PCMT1: variants seen among roughly 807,000 people sequenced by gnomAD.
PCMT1 encodes the protein protein-L-isoaspartate (D-aspartate) O-methyltransferase, also known as protein-L-isoaspartate(D-aspartate) O-methyltransferase.
A neutral mutation model predicts 29.2 loss-of-function variants in PCMT1; 9 were observed. The ratio of observed to expected loss-of-function variants is 0.31; its 90% CI spans 0.19 to 0.54. PCMT1 has a LOEUF of 0.54. Among genes scored for constraint, PCMT1 ranks in the 20% least tolerant of loss-of-function variants. PCMT1 has a pLI of 0.95. For synonymous variants in PCMT1, 98 were observed against 97.5 expected (o/e 1.00, Z -0.03); for missense variants, 184 against 282.2 (o/e 0.65, Z 2.49).
chr6:149,804,588 A>G (rs1013061703), intron 7 of PCMT1, among the ~76,000 whole-genome samples: 1 of 151,006 alleles, frequency 6.6e-6, no homozygotes, highest in Non-Finnish European at 1.5e-5. Context: ...ATCTCAGCTC[A>G]CTACAACCTC....
intron 1 of PCMT1, among the ~76,000 whole-genome samples, chr6:149,757,970 C>G (rs942206663): frequency 6.6e-6 from 1 of 152,054 alleles, no homozygotes; most frequent in Non-Finnish European, 1.5e-5. Context: ...GCAACCTCTG[C>G]CTCTCCGGTT....
At chr6:149,794,928 GC>G (rs2115322653) in intron 5 of PCMT1, 1 of 451,856 alleles carries the variant, frequency 2.2e-6, no homozygotes, top group South Asian at 1.6e-5. Context: ...GGATGTGGTG[GC>G]TCATGCCTGT....
intron 4 of PCMT1, among the ~76,000 whole-genome samples, chr6:149,793,177 A>G (rs1343060108): frequency 6.6e-6 from 1 of 151,290 alleles, no homozygotes; most frequent in Admixed American, 6.6e-5. Context: ...AAAAAAAAAA[A>G]GAAATTCCTC....
At chr6:149,810,392 C>T (rs536976009) in intron 7 of PCMT1, among the ~76,000 whole-genome samples, 2 of 152,296 alleles carry the variant, frequency 1.3e-5, no homozygotes, top group East Asian at 1.9e-4. Flanking sequence ...GAAGAACTCA[C>T]GCCCTTTAGG....
chr6:149,803,701 A>G (rs1775923500), intron 7 of PCMT1, among the ~76,000 whole-genome samples: 2 of 151,980 alleles, frequency 1.3e-5, no homozygotes, highest in African/African-American at 4.8e-5. Context: ...TTAATAAGTA[A>G]AAGGGGTGAT....
chr6:149,751,476 CTTTTTTTT>C (rs76128652), intron 1 of PCMT1, among the ~76,000 whole-genome samples: 1 of 116,556 alleles, frequency 8.6e-6, no homozygotes, highest in African/African-American at 3.8e-5. Flanking sequence ...ATGGTTGGTA[CTTTTTTTT>C]TTTTTTTTTT....
At chr6:149,774,098 T>C (rs1252145030) in intron 3 of PCMT1, among the ~76,000 whole-genome samples, 1 of 151,782 alleles carries the variant, frequency 6.6e-6, no homozygotes, top group Non-Finnish European at 1.5e-5. Flanking sequence ...CATGCAGTCC[T>C]CCCACCTCAG....
intron 1 of PCMT1, among the ~76,000 whole-genome samples, chr6:149,760,305 G>A (rs1786682720): frequency 6.6e-6 from 1 of 151,988 alleles, no homozygotes; most frequent in Admixed American, 6.6e-5. Flanking sequence ...TGTGCATGAG[G>A]GTACATTGTT....
At chr6:149,805,527 G>A (rs1256180072) in intron 7 of PCMT1, among the ~76,000 whole-genome samples, 4 of 152,140 alleles carry the variant, frequency 2.6e-5, no homozygotes, top group Non-Finnish European at 4.4e-5. Flanking sequence ...CTGGGAGGCC[G>A]AGCTTGCAGT....
At chr6:149,774,687 G>A (rs1024873687) in intron 3 of PCMT1, among the ~76,000 whole-genome samples, 13 of 148,440 alleles carry the variant, frequency 8.8e-5, no homozygotes, top group South Asian at 4.3e-4. Flanking sequence ...ACAGGCACCC[G>A]CCACCACACC....
chr6:149,774,762 A>C (rs181754885), intron 3 of PCMT1, among the ~76,000 whole-genome samples: 2,247 of 138,366 alleles, frequency 0.016, 60 homozygotes, highest in African/African-American at 0.059. Flanking sequence ...GCTGGAGTGC[A>C]GTGGCGCCAT....
At chr6:149,801,987 G>C (rs1369561341) in intron 6 of PCMT1, among the ~76,000 whole-genome samples, 1 of 152,040 alleles carries the variant, frequency 6.6e-6, no homozygotes, top group Non-Finnish European at 1.5e-5. Context: ...AAATTAGCTG[G>C]GCATGGTGGC....
chr6:149,788,127 C>T (rs1410436792), intron 3 of PCMT1, among the ~76,000 whole-genome samples: 1 of 151,892 alleles, frequency 6.6e-6, no homozygotes, highest in Non-Finnish European at 1.5e-5. Flanking sequence ...CTGTGTTAGC[C>T]AGGATGGTCT....
At chr6:149,753,151 G>A (rs1786389646) in intron 1 of PCMT1, among the ~76,000 whole-genome samples, 1 of 152,050 alleles carries the variant, frequency 6.6e-6, no homozygotes, top group African/African-American at 2.4e-5. Flanking sequence ...TTGCTCATGT[G>A]AAAATTGTAA....
chr6:149,759,803 T>TA (rs2115209464), intron 1 of PCMT1, among the ~76,000 whole-genome samples: 1 of 152,256 alleles, frequency 6.6e-6, no homozygotes, highest in South Asian at 2.1e-4. Context: ...CCTATTTTCT[T>TA]ACCTGTATTT....
At chr6:149,755,134 G>A (rs1032840262) in intron 1 of PCMT1, among the ~76,000 whole-genome samples, 5 of 152,118 alleles carry the variant, frequency 3.3e-5, no homozygotes, top group Admixed American at 1.3e-4. Context: ...GGCCGAGTGC[G>A]GTGGCTCACA....
chr6:149,750,628 T>C (rs531305858), intron 1 of PCMT1, among the ~76,000 whole-genome samples: 1 of 152,278 alleles, frequency 6.6e-6, no homozygotes, highest in East Asian at 1.9e-4. Context: ...TTCAGGAGCC[T>C]TTGCAGGTCC....
intron 2 of PCMT1, 103 bp from the exon 3 acceptor site, chr6:149,773,035 A>G (rs1583022863): frequency 2.2e-6 from 2 of 907,650 alleles, no homozygotes; most frequent in African/African-American, 1.7e-5. Flanking sequence ...AAAAAAAAAA[A>G]GAATTATTGT....
intron 3 of PCMT1, among the ~76,000 whole-genome samples, chr6:149,784,008 T>C (rs561680109): frequency 1.3e-5 from 2 of 152,342 alleles, no homozygotes; most frequent in South Asian, 4.1e-4. Context: ...ACTCCTTAAA[T>C]GAGTCAGTGT....
Sources: allele counts gnomAD v4.1 joint callset (sites outside exome capture counted in the v4.1 genomes callset), GRCh38; gene constraint gnomAD v4.1.1; transcripts MANE v1.5; gene names NCBI Gene and HGNC (gene_info 2026-07-23, HGNC 2026-07-21).